MYO5B: variants seen among roughly 807,000 people sequenced by gnomAD.
MYO5B encodes the protein myosin VB, also known as unconventional myosin-Vb.
In MYO5B, 143 loss-of-function variants were observed where a neutral mutation model predicts 229.3. The ratio of observed to expected loss-of-function variants is 0.62; its 90% CI spans 0.54 to 0.72. MYO5B has a LOEUF of 0.72. MYO5B is among the 30% of genes least tolerant of loss of function. MYO5B has a pLI of 0.00. For synonymous variants in MYO5B, 918 were observed against 885.2 expected (o/e 1.04, Z -0.66); for missense variants, 2,321 against 2,331.0 (o/e 1.00, Z 0.09).
At chr18:49,963,153 C>A in intron 10 of MYO5B, 123 bp from the exon 11 acceptor site, 1 of 789,470 alleles carries the variant, frequency 1.3e-6, no homozygotes, top group Non-Finnish European at 2.3e-6. Context: ...ATTGTCTCAT[C>A]TTGTGTTCAG....
chr18:49,902,480 C>T (rs540496964), intron 21 of MYO5B, 114 bp downstream of exon 21: 146 of 1,454,072 alleles, frequency 1.0e-4, no homozygotes, highest in East Asian at 3.4e-4. Flanking sequence ...CTGAGGACGT[C>T]TGTGCTCCCT....
intron 2 of MYO5B, 36 bp downstream of exon 2, chr18:50,055,232 C>CA: frequency 1.4e-6 from 1 of 726,474 alleles, no homozygotes; most frequent in East Asian, 2.7e-5. Flanking sequence ...CCTGCCCCAC[C>CA]TCACCCCCGC....
chr18:50,166,569 T>C (rs1439193675), intron 1 of MYO5B, among the ~76,000 whole-genome samples: 3 of 152,228 alleles, frequency 2.0e-5, no homozygotes, highest in Non-Finnish European at 2.9e-5. Flanking sequence ...ACTGGGACTT[T>C]TTCATTTTAA....
rs2144012431 is a variant in MYO5B, at chr18:49,826,602, C to T, written c.5416G>A (p.Asp1806Asn). 2 of 1,613,526 alleles carry T rather than the reference C, an allele frequency of 1.2e-6. No homozygotes were observed. The highest frequency in any genetic ancestry group is 1.7e-5 in the Admixed American group (1 of 60,024). The change falls in exon 40 of 40, where the codon GAC (aspartate) becomes AAC (asparagine). Residue 1806 changes from aspartate to asparagine, a missense_variant. Physicochemically the swap from Asp to Asn is conservative, Grantham distance 23. This residue lies in a region of MYO5B where 208 missense variants were observed against 286.3 expected (regional missense o/e 0.73). Coordinates refer to ENST00000285039, the MANE Select transcript of MYO5B (RefSeq NM_001080467.3). ...TIQAQLQERN[D>N]PQQLLLDAKH... ...GCATCTAATAGCAGTTGCTGAGGGT[C>T]ATTCCGCTCTTGTAGTTGTGCCTAT...
chr18:49,908,290 A>G (rs1422772832), intron 18 of MYO5B, among the ~76,000 whole-genome samples: 1 of 152,102 alleles, frequency 6.6e-6, no homozygotes, highest in Admixed American at 6.5e-5. Context: ...TCTCCAGAAC[A>G]TCTCCCACCC....
At chr18:50,025,343 C>T (rs930694913) in intron 4 of MYO5B, among the ~76,000 whole-genome samples, 27 of 152,118 alleles carry the variant, frequency 1.8e-4, no homozygotes, top group Admixed American at 6.5e-4. Context: ...TTCCACATCC[C>T]GATGATTTCA....
At chr18:49,922,121 G>A (rs981667486) in intron 17 of MYO5B, among the ~76,000 whole-genome samples, 2 of 152,108 alleles carry the variant, frequency 1.3e-5, no homozygotes, top group Admixed American at 6.5e-5. Flanking sequence ...GTCTCCTAAA[G>A]TCACATCAAC....
chr18:49,917,473 T>C (rs2025029854), intron 17 of MYO5B, among the ~76,000 whole-genome samples: 2 of 38,204 alleles, frequency 5.2e-5, no homozygotes, highest in African/African-American at 1.6e-4. Context: ...AAACGTTTAC[T>C]CCAGACCATG....
chr18:49,880,470 T>C lies in MYO5B; in HGVS notation c.3046-15A>G, dbSNP rs1240116363. ...TCTGCAACTCGCTGGAAGAGAGCAA[T>C]AGGGGAAAAATGTCTCATGATGCTG... On this transcript the variant is annotated splice_polypyrimidine_tract_variant and intron_variant, in intron 22 of 39. Coordinates refer to ENST00000285039, the MANE Select transcript of MYO5B (RefSeq NM_001080467.3). The C allele has an allele frequency of 6.9e-6, 11 of 1,605,786 alleles. No homozygotes were observed. The highest frequency in any genetic ancestry group is 9.4e-6 in the Non-Finnish European group (11 of 1,172,530).
At chr18:49,874,702 C>T (rs2024496351) in intron 26 of MYO5B, among the ~76,000 whole-genome samples, 1 of 152,156 alleles carries the variant, frequency 6.6e-6, no homozygotes, top group Non-Finnish European at 1.5e-5. Flanking sequence ...TGTCAAACTC[C>T]ACAATTAATA....
chr18:50,122,537 G>A (rs561565308), intron 1 of MYO5B, among the ~76,000 whole-genome samples: 1 of 139,646 alleles, frequency 7.2e-6, no homozygotes, highest in South Asian at 2.4e-4. Context: ...CTTAAACCTG[G>A]GAAGCAGTTT....
intron 16 of MYO5B, among the ~76,000 whole-genome samples, chr18:49,932,094 C>T (rs8086557): frequency 0.53 from 79,848 of 151,926 alleles, 21,346 homozygotes; most frequent in Middle Eastern, 0.71. Context: ...CCTCATGGTA[C>T]TAATAAAATG....
chr18:49,979,255 C>T (rs2025788114), intron 9 of MYO5B, among the ~76,000 whole-genome samples: 3 of 152,312 alleles, frequency 2.0e-5, no homozygotes, highest in South Asian at 2.1e-4. Flanking sequence ...TCCAAAACAG[C>T]TCCAGGGCAC....
intron 17 of MYO5B, among the ~76,000 whole-genome samples, chr18:49,915,530 G>A (rs998303939): frequency 2.6e-5 from 4 of 152,222 alleles, no homozygotes; most frequent in Non-Finnish European, 5.9e-5. Context: ...CCTGGGAAAG[G>A]GTTGCTCTGC....
chr18:50,062,006 G>C (rs2030698359), intron 1 of MYO5B, among the ~76,000 whole-genome samples: 1 of 152,168 alleles, frequency 6.6e-6, no homozygotes, highest in Non-Finnish European at 1.5e-5. Flanking sequence ...TGCCCAAGTT[G>C]CCAAGAGCTT....
At chr18:49,929,141 G>A (rs2025161282) in intron 17 of MYO5B, among the ~76,000 whole-genome samples, 1 of 152,070 alleles carries the variant, frequency 6.6e-6, no homozygotes, top group Admixed American at 6.5e-5. Context: ...TAGTTAAGAT[G>A]GTAAATACAT....
At chr18:50,023,874 G>T (rs767805169) in intron 4 of MYO5B, among the ~76,000 whole-genome samples, 4 of 152,230 alleles carry the variant, frequency 2.6e-5, no homozygotes, top group Non-Finnish European at 4.4e-5. Flanking sequence ...GATGCTGAAA[G>T]ATGAAACCCT....
chr18:50,038,134 T>C (rs2029896222), intron 3 of MYO5B, among the ~76,000 whole-genome samples: 1 of 152,078 alleles, frequency 6.6e-6, no homozygotes, highest in Non-Finnish European at 1.5e-5. Context: ...AAGGAAAAAA[T>C]TGTGAATTTG....
chr18:50,143,899 T>C (rs2032458431), intron 1 of MYO5B, among the ~76,000 whole-genome samples: 1 of 152,136 alleles, frequency 6.6e-6, no homozygotes. Flanking sequence ...GGGTCTTGCT[T>C]AGGGCCAAGC....
Sources: allele counts gnomAD v4.1 joint callset (sites outside exome capture counted in the v4.1 genomes callset), GRCh38; gene constraint gnomAD v4.1.1; regional missense constraint gnomAD v4.1.1; transcripts MANE v1.5; gene names NCBI Gene and HGNC (gene_info 2026-07-23, HGNC 2026-07-21).